Variants in SYT10 observed in about 807,000 individuals in gnomAD.
SYT10 encodes the protein synaptotagmin-10.
SYT10 carries 31 observed loss-of-function variants against 51.1 expected under a neutral mutation model. The ratio of observed to expected loss-of-function variants is 0.61; its 90% confidence interval spans 0.46 to 0.82. The LOEUF (loss-of-function observed/expected upper bound fraction) is 0.82. Among genes scored for constraint, SYT10 ranks in the 40% least tolerant of loss-of-function variants. SYT10 has a pLI of 0.00. For missense variants in SYT10, 603 were observed against 634.0 expected, an observed-to-expected ratio of 0.95 and a Z score of 0.53; for synonymous variants, 233 against 225.9, an observed-to-expected ratio of 1.03 and a Z score of -0.28.
At chr12:33,425,151 A>G (rs2138431563) in intron 2 of SYT10, among the ~76,000 whole-genome samples, 1 of 152,272 alleles carries the variant, frequency 6.6e-6, no homozygotes. Flanking sequence ...AACCCTTAAA[A>G]GTATTACCAT....
rs527823238 is a variant in SYT10 at position 33,380,130 on chromosome 12, A to G, written c.1371-169T>C. Among the ~76,000 whole-genome samples the G allele has an allele frequency of 4.6e-5, 7 of 152,338 alleles. No homozygotes were observed. The East Asian group carries it at 1.3e-3, about 29-fold the overall frequency. ...TCTCTTAAGTAAATCAACATTTACT[A>G]AACAGTATCAACATTCAAAAAATGA... On this transcript the variant is annotated intron_variant, in intron 5 of 6. Transcript: ENST00000228567.
intron 5 of SYT10, 24 bp downstream of exon 5, chr12:33,382,325 C>A (rs759079605): frequency 2.6e-6 from 4 of 1,521,638 alleles, no homozygotes; most frequent in Admixed American, 2.1e-5. Flanking sequence ...GGCTGCTCTT[C>A]AGTGAGAAGA....
chr12:33,390,901 G>T (rs1406048095), intron 3 of SYT10, among the ~76,000 whole-genome samples: 1 of 152,048 alleles, frequency 6.6e-6, no homozygotes, highest in Non-Finnish European at 1.5e-5. Flanking sequence ...GATAACACAG[G>T]TCTGCATAAT....
chr12:33,416,237 C>T (rs11052690), intron 2 of SYT10, among the ~76,000 whole-genome samples: 7 of 152,090 alleles, frequency 4.6e-5, no homozygotes, highest in South Asian at 2.1e-4. Context: ...TGTGCCACCA[C>T]GCCCCGCTGA....
At chr12:33,423,872 T>A (rs1866526320) in intron 2 of SYT10, 1 of 443,698 alleles carries the variant, frequency 2.3e-6, no homozygotes, top group Non-Finnish European at 4.5e-6. Context: ...TGGGTTTCAG[T>A]TAACTCACAT....
In SYT10 at chr12:33,375,765, T is replaced by C. The variant is rs1866057110; in HGVS notation, c.*1065A>G. 6.6e-6 allele frequency: 1 copy of C among 152,576 alleles called. No individual in the cohort carries two copies. The highest frequency in any genetic ancestry group is 1.5e-5 in the Non-Finnish European group (1 of 68,000). The allele number at this position is 152,576 out of a possible 1,614,324, so 9.5% of individuals were successfully genotyped here. A position where few individuals can be genotyped will look rare whatever the true frequency, so the allele number is the denominator to read the frequency against. On this transcript the variant is annotated 3_prime_UTR_variant, in exon 7 of 7. Transcript: ENST00000228567. ...TCTATATGTTGCTGAAAATAAATCA[T>C]CCTTTCTTTAAGAAAATACTGAATT...
At chr12:33,377,626 T>C (rs1866074642) in intron 6 of SYT10, among the ~76,000 whole-genome samples, 1 of 77,386 alleles carries the variant, frequency 1.3e-5, no homozygotes, top group African/African-American at 7.7e-5. Flanking sequence ...TCTTTTTCTT[T>C]TTCTTTTTTT....
chr12:33,387,034 C>T (rs1226289316), intron 3 of SYT10, among the ~76,000 whole-genome samples: 1 of 152,132 alleles, frequency 6.6e-6, no homozygotes, highest in Admixed American at 6.5e-5. Context: ...TTCAGTGAAG[C>T]CATGCCTGGT....
chr12:33,430,717 C>T (rs1189415737), intron 1 of SYT10, among the ~76,000 whole-genome samples: 1 of 151,888 alleles, frequency 6.6e-6, no homozygotes, highest in African/African-American at 2.4e-5. Flanking sequence ...TATTCCAAGC[C>T]CTTTGTTTCT....
chr12:33,438,749 T>TA (rs1866657944), intron 1 of SYT10, among the ~76,000 whole-genome samples: 1 of 152,336 alleles, frequency 6.6e-6, no homozygotes, highest in East Asian at 1.9e-4. Context: ...ATGGGATCAA[T>TA]AATCCTTGTT....
In SYT10 at chr12:33,375,390, G is replaced by A. The variant is rs931567298; in HGVS notation, c.*1440C>T. 6.6e-6 allele frequency: 1 copy of A among 151,488 alleles called. No individual in the cohort carries two copies. Among genetic ancestry groups the A allele is most frequent in the Non-Finnish European group, 1.5e-5 (1 of 67,858 alleles). The allele number at this position is 151,488 out of a possible 1,614,324, so 9.4% of individuals were successfully genotyped here. Reference sequence around the variant, plus strand: ...ACCGCTGATAAAATTTTCTCATCCAGGTAAATATGTTTTTATTTTCTTGCC... The same window carrying A: ...ACCGCTGATAAAATTTTCTCATCCAAGTAAATATGTTTTTATTTTCTTGCC... On this transcript the variant is annotated 3_prime_UTR_variant, in exon 7 of 7. Coordinates refer to ENST00000228567, the MANE Select transcript of SYT10 (RefSeq NM_198992.4).
At chr12:33,407,656 A>G (rs1275738240) in intron 2 of SYT10, 1 of 294,344 alleles carries the variant, frequency 3.4e-6, no homozygotes, top group East Asian at 7.5e-5. Flanking sequence ...CCCTAGCTGG[A>G]GTACGGTAGT....
chr12:33,411,871 G>A (rs1344390398), intron 2 of SYT10, among the ~76,000 whole-genome samples: 7 of 151,762 alleles, frequency 4.6e-5, no homozygotes, highest in Admixed American at 4.6e-4. Context: ...AAAGGTCAGA[G>A]GGAATTTATG....
At chr12:33,393,013 A>T (rs1244120921) in intron 3 of SYT10, among the ~76,000 whole-genome samples, 9 of 146,212 alleles carry the variant, frequency 6.2e-5, no homozygotes, top group Non-Finnish European at 1.1e-4. Flanking sequence ...AAAAAAAAAA[A>T]ATTGCAAAAA....
At chr12:33,421,858 G>A (rs77741682) in intron 2 of SYT10, among the ~76,000 whole-genome samples, 11,462 of 152,094 alleles carry the variant, frequency 0.075, 586 homozygotes, top group Middle Eastern at 0.12. Context: ...ACATAAAAAC[G>A]AGGTTGTTAT....
intron 6 of SYT10, among the ~76,000 whole-genome samples, chr12:33,379,376 C>T (rs969809650): frequency 4.0e-5 from 6 of 151,818 alleles, no homozygotes; most frequent in African/African-American, 1.2e-4. Context: ...ACATATCTTT[C>T]CCCTTACGCA....
intron 1 of SYT10, among the ~76,000 whole-genome samples, chr12:33,435,522 C>T (rs1286843028): frequency 6.6e-6 from 1 of 152,322 alleles, no homozygotes; most frequent in Non-Finnish European, 1.5e-5. Flanking sequence ...CTTCTTCAAA[C>T]AGGCCTATCA....
At position 33,432,371 on chromosome 12, in the gene SYT10, T is replaced by C. The variant is rs367842997; in HGVS notation, c.152-5876A>G. ...CATATGCTCATAATTGAGTAAATTA[T>C]TTATAATTGGTGACTGTATATTACT... On this transcript the variant is annotated intron_variant, in intron 1 of 6. Transcript: ENST00000228567. The C allele has an allele frequency of 1.1e-4, 17 of 152,208 alleles. 1 individual carries two copies. In the East Asian group the frequency reaches 3.3e-3, roughly 29 times the overall value. The allele number at this position is 152,208 out of a possible 1,614,324, so 9.4% of individuals were successfully genotyped here.
intron 3 of SYT10, among the ~76,000 whole-genome samples, chr12:33,398,509 T>C (rs781257776): frequency 1.3e-5 from 2 of 152,056 alleles, no homozygotes; most frequent in East Asian, 1.9e-4. Context: ...CGAAACTCTG[T>C]CTCAAAACAA....
Sources: gnomAD v4.1 joint callset for allele counts (sites outside exome capture counted in the v4.1 genomes callset) on GRCh38, gnomAD v4.1.1 for gene constraint, MANE v1.5 for transcripts, NCBI Gene and HGNC (gene_info 2026-07-23, HGNC 2026-07-21) for gene names.